AGAP1: variants seen among roughly 807,000 people sequenced by gnomAD.
AGAP1 encodes the protein arf-GAP with GTPase, ANK repeat and PH domain-containing protein 1.
A neutral mutation model predicts 105.3 loss-of-function variants in AGAP1; 29 were observed. The observed-to-expected ratio is 0.28, with a 90% confidence interval of 0.21 to 0.38. AGAP1 has a LOEUF of 0.38. AGAP1 is among the 10% of genes least tolerant of loss of function. The pLI is 1.00. For synonymous variants in AGAP1, 509 were observed against 485.9 expected, an observed-to-expected ratio of 1.05 and a Z score of -0.63; for missense variants, 998 against 1,165.1, an observed-to-expected ratio of 0.86 and a Z score of 2.09.
At position 236,001,877 on chromosome 2, in the gene AGAP1, G is replaced by GT. The variant is rs994476547; in HGVS notation, c.1645+33261dup. Among the ~76,000 whole-genome samples, 13 of 152,314 alleles carry GT rather than the reference G, an allele frequency of 8.5e-5. No homozygotes were observed. Among genetic ancestry groups the GT allele is most frequent in the Admixed American group, 1.3e-4 (2 of 15,300 alleles). ...GTTGGGCATTGAAATTGCCTCAGCA[G>GT]TTTTTTTAACAATTACCAGTAATAC... On this transcript the variant is annotated intron_variant, in intron 13 of 17. Transcript: ENST00000304032. The surrounding 1 kb of genome is among the most constrained non-coding windows in gnomAD (Gnocchi z 4.7).
In AGAP1 at chr2:236,087,547, C is replaced by T. The variant is rs931038653; in HGVS notation, c.2115-32645C>T. ...GGACTGTGGTGCACACTGCCCATGA[C>T]GGGCTACTTGGACGGCTCATGCCCA... On this transcript the variant is annotated intron_variant, in intron 16 of 17. Coordinates refer to ENST00000304032, the MANE Select transcript of AGAP1 (RefSeq NM_001037131.3). This position sits in a 1 kb window ranked among gnomAD's most constrained non-coding sequence, Gnocchi z 5.7. Among the ~76,000 whole-genome samples the T allele has an allele frequency of 6.6e-6, 1 of 152,150 alleles. No individual in the cohort carries two copies. The highest frequency in any genetic ancestry group is 2.4e-5 in the African/African-American group (1 of 41,418).
chr2:235,925,536 T>C (rs2052404796), intron 11 of AGAP1, among the ~76,000 whole-genome samples: 1 of 152,156 alleles, frequency 6.6e-6, no homozygotes, highest in Non-Finnish European at 1.5e-5. Flanking sequence ...TGAATGTAGC[T>C]CTATTTCTAT....
intron 1 of AGAP1, among the ~76,000 whole-genome samples, chr2:235,706,717 T>G (rs1403232199): frequency 2.0e-5 from 3 of 152,218 alleles, no homozygotes; most frequent in Non-Finnish European, 4.4e-5. Flanking sequence ...CCACAGTTAC[T>G]TAACCAGGGT....
chr2:235,660,617 G>A lies in AGAP1; in HGVS notation c.164-48562G>A, dbSNP rs930900080. Among the ~76,000 whole-genome samples, 1 of 152,126 alleles carries A rather than the reference G, an allele frequency of 6.6e-6. No individual in the cohort carries two copies. Among genetic ancestry groups the A allele is most frequent in the African/African-American group, 2.4e-5 (1 of 41,412 alleles). On this transcript the variant is annotated intron_variant, in intron 1 of 17. Coordinates refer to ENST00000304032, the MANE Select transcript of AGAP1 (RefSeq NM_001037131.3). The surrounding 1 kb of genome is among the most constrained non-coding windows in gnomAD (Gnocchi z 5.3). ...GGGACTCCTGAGTCCAGCTCCCAGT[G>A]ATGTGTAGAGTTGAGCTCCATCCTG... is the stretch of plus-strand genomic sequence containing the variant.
chr2:235,693,075 C>G (rs1260124715), intron 1 of AGAP1, among the ~76,000 whole-genome samples: 1 of 152,078 alleles, frequency 6.6e-6, no homozygotes, highest in Admixed American at 6.5e-5. Flanking sequence ...GCGGCAGTCA[C>G]CACTGGGGAA....
At chr2:235,636,067 C>A (rs571165346) in intron 1 of AGAP1, among the ~76,000 whole-genome samples, 1 of 152,028 alleles carries the variant, frequency 6.6e-6, no homozygotes, top group South Asian at 2.1e-4. Context: ...GAGCCGAGAT[C>A]GTGCCAGTGA....
chr2:235,887,880 C>G lies in AGAP1; in HGVS notation c.1155+4431C>G, dbSNP rs1426500127. On this transcript the variant is annotated intron_variant, in intron 10 of 17. Transcript: ENST00000304032. The surrounding 1 kb of genome is among the most constrained non-coding windows in gnomAD (Gnocchi z 4.1). ...CTATTATGGGGTGCTGACTTGAGAGCGCCAGGCTTGCAGTTGTATTAAACG... is the reference window on the plus strand; with the variant it reads ...CTATTATGGGGTGCTGACTTGAGAGGGCCAGGCTTGCAGTTGTATTAAACG... 6.6e-6 allele frequency among the ~76,000 whole-genome samples: 1 copy of G among 152,162 alleles called. No individual in the cohort carries two copies. Among genetic ancestry groups the G allele is most frequent in the African/African-American group, 2.4e-5 (1 of 41,448 alleles).
intron 1 of AGAP1, among the ~76,000 whole-genome samples, chr2:235,619,334 C>T (rs1185327787): frequency 1.3e-5 from 2 of 150,790 alleles, no homozygotes; most frequent in Non-Finnish European, 2.9e-5. Context: ...AGCTGGGATT[C>T]AAACCTGGGG....
At chr2:235,954,680 G>A (rs1043632913) in intron 12 of AGAP1, among the ~76,000 whole-genome samples, 5 of 151,540 alleles carry the variant, frequency 3.3e-5, no homozygotes, top group South Asian at 2.1e-4. Context: ...TCCACACCCC[G>A]CCTCTACCTG....
At position 236,045,164 on chromosome 2, in the gene AGAP1, C is replaced by G. The variant is rs1375892777; in HGVS notation, c.1892-3895C>G. On this transcript the variant is annotated intron_variant, in intron 15 of 17. Transcript: ENST00000304032. This position sits in a 1 kb window ranked among gnomAD's most constrained non-coding sequence, Gnocchi z 6.9. ...CTCCTGGCCTTCGGCGATCCTCCCC[C>G]ATTGACCTCCCAAAGTGCTGGGATT... 6.6e-6 allele frequency among the ~76,000 whole-genome samples: 1 copy of G among 152,182 alleles called. No homozygotes were observed. The highest frequency in any genetic ancestry group is 2.4e-5 in the African/African-American group (1 of 41,450).
chr2:235,697,020 C>T (rs776483930), intron 1 of AGAP1, among the ~76,000 whole-genome samples: 4 of 152,054 alleles, frequency 2.6e-5, no homozygotes, highest in South Asian at 2.1e-4. Flanking sequence ...ACTTTTGTTT[C>T]ATTCGATTTG....
chr2:236,118,740 C>T (rs2059831814), intron 16 of AGAP1, among the ~76,000 whole-genome samples: 1 of 152,108 alleles, frequency 6.6e-6, no homozygotes, highest in African/African-American at 2.4e-5. Flanking sequence ...ACTTCCCTGG[C>T]TGGGCTTGGC....
rs1259804908 is a variant in AGAP1 at position 235,582,128 on chromosome 2, A to G, written c.163+87279A>G. ...GTGATGCTATGGGGCTGTCTGCTCTATACGAGGAGCAGAGACCCCTGGATC... is the reference window on the plus strand; with the variant it reads ...GTGATGCTATGGGGCTGTCTGCTCTGTACGAGGAGCAGAGACCCCTGGATC... On this transcript the variant is annotated intron_variant, in intron 1 of 17. Transcript: ENST00000304032. The surrounding 1 kb of genome is among the most constrained non-coding windows in gnomAD (Gnocchi z 4.7). Among the ~76,000 whole-genome samples the G allele has an allele frequency of 2.6e-5, 4 of 152,140 alleles. No homozygotes were observed. The highest frequency in any genetic ancestry group is 2.1e-4 in the South Asian group (1 of 4,816).
chr2:235,850,393 C>A (rs973660136), intron 9 of AGAP1, among the ~76,000 whole-genome samples: 1 of 152,244 alleles, frequency 6.6e-6, no homozygotes, highest in African/African-American at 2.4e-5. Flanking sequence ...GGAGCCATCT[C>A]CCCTGGGGCA....
At position 235,650,911 on chromosome 2, in the gene AGAP1, G is replaced by A. The variant is rs561162082; in HGVS notation, c.164-58268G>A. Among the ~76,000 whole-genome samples, 44 of 152,214 alleles carry A rather than the reference G, an allele frequency of 2.9e-4. 1 individual carries two copies. The South Asian group carries it at 9.1e-3, about 32-fold the overall frequency. On this transcript the variant is annotated intron_variant, in intron 1 of 17. Coordinates refer to ENST00000304032, the MANE Select transcript of AGAP1 (RefSeq NM_001037131.3). The stretch of plus-strand genomic sequence containing the variant: ...GATAGAGACCCTGGCCAGGCGTGGT[G>A]GCTCACGCCTATAATCCCAGCACTT...
chr2:235,749,510 T>TC (rs766299940), intron 5 of AGAP1, among the ~76,000 whole-genome samples: 10 of 150,644 alleles, frequency 6.6e-5, no homozygotes, highest in East Asian at 5.9e-4. Context: ...CCTGAGGGGG[T>TC]CCATCAAAAC....
rs527962342 is a variant in AGAP1, at chr2:236,001,072, T to C, written c.1645+32449T>C. Among the ~76,000 whole-genome samples the C allele has an allele frequency of 4.5e-4, 69 of 152,232 alleles. No homozygotes were observed. Among genetic ancestry groups the C allele is most frequent in the Non-Finnish European group, 4.9e-4 (33 of 68,008 alleles). ...GAACTAGGGTCATGGCAGATGTCATTAGCTATACAGGAGGGGAGGGGATGG... is the reference window on the plus strand; with the variant it reads ...GAACTAGGGTCATGGCAGATGTCATCAGCTATACAGGAGGGGAGGGGATGG... On this transcript the variant is annotated intron_variant, in intron 13 of 17. Transcript: ENST00000304032. This position sits in a 1 kb window ranked among gnomAD's most constrained non-coding sequence, Gnocchi z 4.7.
chr2:235,877,900 G>T lies in AGAP1; in HGVS notation c.1051-5445G>T, dbSNP rs750644529. 2.6e-5 allele frequency among the ~76,000 whole-genome samples: 4 copies of T among 152,124 alleles called. No individual in the cohort carries two copies. Among genetic ancestry groups the T allele is most frequent in the African/African-American group, 9.7e-5 (4 of 41,416 alleles). On this transcript the variant is annotated intron_variant, in intron 9 of 17. Transcript: ENST00000304032. This position sits in a 1 kb window ranked among gnomAD's most constrained non-coding sequence, Gnocchi z 4.3. ...TTTTGCCAACTTAAAATTTGTCCTC[G>T]CCAGGGGAATCTTTCCTAATGCAAA...
intron 1 of AGAP1, among the ~76,000 whole-genome samples, chr2:235,666,751 G>A (rs1948140487): frequency 6.6e-6 from 1 of 151,730 alleles, no homozygotes; most frequent in African/African-American, 2.4e-5. Context: ...CAGTGTTTTA[G>A]CCCTGAAGGA....
Sources: allele counts gnomAD v4.1 joint callset (sites outside exome capture counted in the v4.1 genomes callset), GRCh38; gene constraint gnomAD v4.1.1; non-coding constraint Gnocchi (gnomAD v3.1); transcripts MANE v1.5; gene names NCBI Gene and HGNC (gene_info 2026-07-23, HGNC 2026-07-21).